The following ANKS1B variants were observed in gnomAD, a reference collection of about 807,000 sequenced individuals.
ANKS1B encodes ankyrin repeat and sterile alpha motif domain-containing protein 1B.
A neutral mutation model predicts 148.3 loss-of-function variants in ANKS1B; 36 were observed. The observed-to-expected ratio is 0.24, with a 90% CI of 0.19 to 0.32. The LOEUF (loss-of-function observed/expected upper bound fraction) is 0.32. Among genes scored for constraint, ANKS1B ranks in the 10% least tolerant of loss-of-function variants. ANKS1B has a pLI of 1.00. For synonymous variants in ANKS1B, 542 were observed against 560.8 expected (o/e 0.97, Z 0.47); for missense variants, 1,157 against 1,542.6 (o/e 0.75, Z 4.19).
intron 1 of ANKS1B, among the ~76,000 whole-genome samples, chr12:99,936,572 TAAGGCCTATGTTACTGACTGGGAATATC>T (rs1000681641): frequency 1.3e-5 from 2 of 152,230 alleles, no homozygotes; most frequent in African/African-American, 4.8e-5. Flanking sequence ...TCATTTATTA[TAAGGCCTATGTTACTGACTGGGAATATC>T]TACTTCTCCC....
chr12:98,957,546 C>G (rs1043511955), intron 17 of ANKS1B, among the ~76,000 whole-genome samples: 2 of 151,790 alleles, frequency 1.3e-5, no homozygotes, highest in Non-Finnish European at 2.9e-5. Context: ...CGGGTTTTCA[C>G]CATATTGGCC....
intron 1 of ANKS1B, among the ~76,000 whole-genome samples, chr12:99,937,070 T>C (rs1224271001): frequency 6.6e-6 from 1 of 152,188 alleles, no homozygotes; most frequent in Non-Finnish European, 1.5e-5. Context: ...TTGAACCTGT[T>C]ATCAATACGC....
At chr12:99,163,981 G>C (rs946676811) in intron 14 of ANKS1B, among the ~76,000 whole-genome samples, 7 of 152,076 alleles carry the variant, frequency 4.6e-5, no homozygotes, top group Non-Finnish European at 8.8e-5. Flanking sequence ...CATTCTGATA[G>C]GTATGTACTA....
chr12:98,797,467 A>G (rs978436914), intron 22 of ANKS1B, among the ~76,000 whole-genome samples: 2 of 152,208 alleles, frequency 1.3e-5, no homozygotes, highest in South Asian at 4.1e-4. Context: ...GTTAGCAGCT[A>G]TCATATTATT....
intron 16 of ANKS1B, among the ~76,000 whole-genome samples, chr12:99,061,442 G>A (rs1384460409): frequency 6.6e-6 from 1 of 152,204 alleles, no homozygotes; most frequent in Non-Finnish European, 1.5e-5. Context: ...TATTTGGAGG[G>A]AGGATTGGAG....
At chr12:99,513,450 T>C (rs1404934646) in intron 9 of ANKS1B, among the ~76,000 whole-genome samples, 2 of 152,076 alleles carry the variant, frequency 1.3e-5, no homozygotes, top group African/African-American at 4.8e-5. Context: ...GATTTTACTA[T>C]CTGGTAGGAT....
intron 8 of ANKS1B, among the ~76,000 whole-genome samples, chr12:99,674,318 T>A (rs1328097734): frequency 6.6e-6 from 1 of 151,828 alleles, no homozygotes; most frequent in Non-Finnish European, 1.5e-5. Flanking sequence ...ACTAGAACTG[T>A]ACATAACACA....
At chr12:99,823,799 T>C (rs928775464) in intron 2 of ANKS1B, among the ~76,000 whole-genome samples, 1 of 152,244 alleles carries the variant, frequency 6.6e-6, no homozygotes, top group African/African-American at 2.4e-5. Context: ...TCCAGTCTTC[T>C]GCATATGGTT....
At chr12:99,909,069 CT>C (rs1295511257) in intron 1 of ANKS1B, among the ~76,000 whole-genome samples, 1 of 145,862 alleles carries the variant, frequency 6.9e-6, no homozygotes, top group African/African-American at 2.5e-5. Context: ...ATATATTCAA[CT>C]TTTTTTTTAG....
At chr12:99,114,982 G>A (rs895689268) in intron 15 of ANKS1B, among the ~76,000 whole-genome samples, 16 of 152,114 alleles carry the variant, frequency 1.1e-4, no homozygotes, top group African/African-American at 3.4e-4. Flanking sequence ...AATAACAGAC[G>A]CTGGTGAGGT....
At chr12:99,566,512 A>G (rs2097395820) in intron 9 of ANKS1B, among the ~76,000 whole-genome samples, 1 of 152,204 alleles carries the variant, frequency 6.6e-6, no homozygotes, top group South Asian at 2.1e-4. Context: ...TATGGTTTGA[A>G]TGTGTCCCCT....
intron 9 of ANKS1B, among the ~76,000 whole-genome samples, chr12:99,522,998 C>T (rs187727627): frequency 6.6e-6 from 1 of 152,288 alleles, no homozygotes; most frequent in African/African-American, 2.4e-5. Context: ...GAGGTAGACA[C>T]AGTAGTTGCC....
At chr12:98,977,991 G>A (rs964024485) in intron 17 of ANKS1B, among the ~76,000 whole-genome samples, 2 of 152,020 alleles carry the variant, frequency 1.3e-5, no homozygotes, top group African/African-American at 4.8e-5. Flanking sequence ...ATATGGGAGA[G>A]ATAGCAAGTA....
At chr12:99,383,937 G>T (rs991846512) in intron 12 of ANKS1B, among the ~76,000 whole-genome samples, 1 of 152,160 alleles carries the variant, frequency 6.6e-6, no homozygotes, top group South Asian at 2.1e-4. Context: ...GGCTGAAGCT[G>T]GGGGGTTACT....
chr12:99,835,266 A>AC (rs1341548292), intron 1 of ANKS1B, among the ~76,000 whole-genome samples: 16 of 145,300 alleles, frequency 1.1e-4, no homozygotes, highest in African/African-American at 4.1e-4. Context: ...AAAAAAAAAA[A>AC]ACACAAAAAG....
At position 99,655,082 on chromosome 12, in the gene ANKS1B, G is replaced by A. The variant is rs776805733; in HGVS notation, c.1257C>T (p.Phe419=). 2.0e-5 allele frequency: 32 copies of A among 1,582,788 alleles called. No individual in the cohort carries two copies. Among genetic ancestry groups the A allele is most frequent in the Non-Finnish European group, 8.6e-7 (1 of 1,161,132 alleles). Residue 419 remains phenylalanine (F), a synonymous_variant, in exon 9 of 27, where the codon TTC becomes TTT. Coordinates refer to ENST00000683438, the MANE Select transcript of ANKS1B (RefSeq NM_001352186.2). ...AAACTTTTACCTGGGCAAGCATGGG[G>A]AAGCCAAGGTTCCTACATCCATTAC... The part of the protein sequence containing the change: ...TPCNGCRNLG[F]PMLAQESYPK...
chr12:98,847,597 A>ATT (rs11369276), intron 17 of ANKS1B, among the ~76,000 whole-genome samples: 52 of 151,900 alleles, frequency 3.4e-4, no homozygotes, highest in Non-Finnish European at 4.4e-4. Flanking sequence ...CAAGATCTTA[A>ATT]TTTTTTTTCT....
chr12:99,655,568 C>A (rs574084155), intron 8 of ANKS1B, among the ~76,000 whole-genome samples: 47 of 152,198 alleles, frequency 3.1e-4, no homozygotes, highest in African/African-American at 1.1e-3. Flanking sequence ...GCAGTTAGGG[C>A]ACTAACAGGA....
intron 10 of ANKS1B, among the ~76,000 whole-genome samples, chr12:99,468,176 C>A (rs1399141763): frequency 2.0e-5 from 3 of 152,188 alleles, no homozygotes; most frequent in African/African-American, 4.8e-5. Context: ...CTGAGAAAAA[C>A]AAGCAATGGG....
Sources: allele counts gnomAD v4.1 joint callset (sites outside exome capture counted in the v4.1 genomes callset), GRCh38; gene constraint gnomAD v4.1.1; transcripts MANE v1.5; gene names NCBI Gene and HGNC (gene_info 2026-07-23, HGNC 2026-07-21).